PCDH11Y: variants seen among roughly 807,000 people sequenced by gnomAD.
PCDH11Y encodes protocadherin-11 Y-linked.
For missense variants in PCDH11Y, 12 were observed against 224.8 expected (o/e 0.05, Z 6.05); for synonymous variants, 9 against 83.6 (o/e 0.11, Z 4.87).
intron 3 of PCDH11Y, among the ~76,000 whole-genome samples, chrY:5,532,134 A>G (rs1602938965): frequency 6.7e-5 from 2 of 30,046 alleles, no homozygotes; most frequent in Non-Finnish European, 1.6e-4. Context: ...CTTTTGGCCT[A>G]TGTACTGTGT....
intron 2 of PCDH11Y, among the ~76,000 whole-genome samples, chrY:5,135,491 C>T (rs1602873685): frequency 3.0e-5 from 1 of 32,955 alleles, no homozygotes; most frequent in African/African-American, 1.2e-4. Flanking sequence ...GAGCTGGGTA[C>T]GGCTTCTTGC....
exon 2 of PCDH11Y, chrY:5,101,236 T>C: frequency 5.5e-6 from 1 of 180,243 alleles, no homozygotes; most frequent in East Asian, 5.8e-4. Flanking sequence ...AGTGTCGTTT[T>C]CAGATTAGGA....
At chrY:5,687,834 T>A in intron 4 of PCDH11Y, among the ~76,000 whole-genome samples, 1 of 32,573 alleles carries the variant, frequency 3.1e-5, no homozygotes, top group Non-Finnish European at 7.5e-5. Flanking sequence ...GAAGGCTATA[T>A]TTAAATATCC....
intron 2 of PCDH11Y, among the ~76,000 whole-genome samples, chrY:5,224,526 C>G: frequency 3.2e-5 from 1 of 31,443 alleles, no homozygotes; most frequent in African/African-American, 1.2e-4. Flanking sequence ...GGCAAAGTAA[C>G]TCTAGGTTAA....
intron 4 of PCDH11Y, among the ~76,000 whole-genome samples, chrY:5,638,057 C>T (rs1602955147): frequency 2.8e-3 from 56 of 19,775 alleles, no homozygotes; most frequent in African/African-American, 0.01. Context: ...CCCAGGTTCA[C>T]GCCATTCTCC....
intron 2 of PCDH11Y, among the ~76,000 whole-genome samples, chrY:5,292,016 T>G (rs2053068291): frequency 3.0e-5 from 1 of 33,362 alleles, no homozygotes; most frequent in Non-Finnish European, 7.4e-5. Flanking sequence ...AACCATATGG[T>G]TTTTGTCCTT....
At chrY:5,597,352 T>TAC (rs2053468465) in intron 4 of PCDH11Y, among the ~76,000 whole-genome samples, 2 of 28,873 alleles carry the variant, frequency 6.9e-5, no homozygotes, top group Non-Finnish European at 1.6e-4. Context: ...TATATATGTG[T>TAC]GTATATATAT....
chrY:5,232,709 C>G, intron 2 of PCDH11Y, among the ~76,000 whole-genome samples: 1 of 32,472 alleles, frequency 3.1e-5, no homozygotes, highest in Non-Finnish European at 7.5e-5. Flanking sequence ...CCTCAGTATG[C>G]CAGGTTTCTT....
chrY:5,214,137 A>C, intron 2 of PCDH11Y, among the ~76,000 whole-genome samples: 2 of 33,079 alleles, frequency 6.0e-5, no homozygotes, highest in Admixed American at 5.6e-4. Flanking sequence ...ACAACAACAA[A>C]AAAGAATAAG....
At chrY:5,551,506 T>G in intron 3 of PCDH11Y, among the ~76,000 whole-genome samples, 1 of 32,945 alleles carries the variant, frequency 3.0e-5, no homozygotes, top group Non-Finnish European at 7.5e-5. Flanking sequence ...GAATTTAATT[T>G]AAAATGTTAA....
chrY:5,012,312 G>A, intron 1 of PCDH11Y, among the ~76,000 whole-genome samples: 1 of 32,351 alleles, frequency 3.1e-5, no homozygotes. Flanking sequence ...GGCTGTATAG[G>A]AAGCATGGCT....
chrY:5,105,072 C>T (rs2052786426), downstream of PCDH11Y: 1 of 120,822 alleles, frequency 8.3e-6, no homozygotes, highest in African/African-American at 1.1e-4. Flanking sequence ...GAAACCCCAT[C>T]TCCACTAAAA....
intron 2 of PCDH11Y, among the ~76,000 whole-genome samples, chrY:5,149,140 A>C: frequency 3.1e-5 from 1 of 32,634 alleles, no homozygotes; most frequent in East Asian, 8.1e-4. Flanking sequence ...GAAGAATGTT[A>C]AAAAGCAGAT....
At chrY:5,664,678 G>T (rs2053543631) in intron 4 of PCDH11Y, among the ~76,000 whole-genome samples, 1 of 28,347 alleles carries the variant, frequency 3.5e-5, no homozygotes, top group Non-Finnish European at 8.3e-5. Context: ...TCTGGGCTCA[G>T]TGTAAGCTCC....
At chrY:5,229,471 G>A (rs2052965487) in intron 2 of PCDH11Y, among the ~76,000 whole-genome samples, 1 of 30,054 alleles carries the variant, frequency 3.3e-5, no homozygotes, top group Non-Finnish European at 8.0e-5. Context: ...ACCCGCCACC[G>A]CGCCCGGCTA....
downstream of PCDH11Y, among the ~76,000 whole-genome samples, chrY:5,107,144 A>G (rs2052792647): frequency 3.0e-5 from 1 of 32,974 alleles, no homozygotes; most frequent in African/African-American, 1.2e-4. Context: ...AAAGGTCCTA[A>G]TCACTCCTTT....
At chrY:5,574,408 G>C in intron 3 of PCDH11Y, 1 of 357,494 alleles carries the variant, frequency 2.8e-6, no homozygotes, top group Non-Finnish European at 4.0e-6. Context: ...TGAGACCAAC[G>C]ACACCAAAGT....
intron 2 of PCDH11Y, among the ~76,000 whole-genome samples, chrY:5,324,163 G>C: frequency 3.0e-5 from 1 of 33,112 alleles, no homozygotes; most frequent in African/African-American, 1.2e-4. Context: ...AAAGAATAAG[G>C]GGCAGGTTTT....
chrY:5,009,725 A>G, intron 1 of PCDH11Y, among the ~76,000 whole-genome samples: 1 of 33,372 alleles, frequency 3.0e-5, no homozygotes, highest in African/African-American at 1.2e-4. Context: ...GTAATCGTAG[A>G]CTGCTTTATT....
Sources: allele counts gnomAD v4.1 joint callset (sites outside exome capture counted in the v4.1 genomes callset), GRCh38; gene constraint gnomAD v4.1.1; transcripts MANE v1.5; gene names NCBI Gene and HGNC (gene_info 2026-07-23, HGNC 2026-07-21).